The following TRABD2B variants were observed in gnomAD, a reference collection of about 807,000 sequenced individuals.
The protein encoded by TRABD2B is TraB domain containing 2B.
In TRABD2B, 14 loss-of-function variants were observed where a neutral mutation model predicts 40.1. That is an observed-to-expected ratio of 0.35 (90% CI 0.23 to 0.55). The LOEUF (loss-of-function observed/expected upper bound fraction) is 0.55. TRABD2B is among the 20% of genes least tolerant of loss of function. The pLI, the probability that TRABD2B is intolerant of heterozygous loss-of-function variation, is 0.90. For missense variants in TRABD2B, 541 were observed against 648.6 expected (o/e 0.83, Z 1.80); for synonymous variants, 263 against 277.0 (o/e 0.95, Z 0.50).
At chr1:47,776,890 G>C (rs1310910181) in intron 5 of TRABD2B, among the ~76,000 whole-genome samples, 2 of 152,206 alleles carry the variant, frequency 1.3e-5, no homozygotes, top group Non-Finnish European at 2.9e-5. Flanking sequence ...CGCAGCTGCT[G>C]GGGAGATAAT....
intron 2 of TRABD2B, among the ~76,000 whole-genome samples, chr1:47,990,364 G>A (rs981813586): frequency 2.0e-5 from 3 of 152,286 alleles, no homozygotes; most frequent in Non-Finnish European, 4.4e-5. Flanking sequence ...GTGGCAGCAG[G>A]CAGAGCTGAT....
intron 2 of TRABD2B, among the ~76,000 whole-genome samples, chr1:47,897,903 G>C (rs1423561088): frequency 1.3e-5 from 2 of 152,156 alleles, no homozygotes; most frequent in African/African-American, 4.8e-5. Context: ...CCTTGCAAAG[G>C]ATAGCGTTCT....
chr1:47,883,705 C>A (rs868554107), intron 2 of TRABD2B, among the ~76,000 whole-genome samples: 1 of 152,206 alleles, frequency 6.6e-6, no homozygotes, highest in Admixed American at 6.5e-5. Flanking sequence ...CTTCTTGTTC[C>A]AACTACAGGG....
intron 2 of TRABD2B, among the ~76,000 whole-genome samples, chr1:47,949,225 G>C (rs1645304244): frequency 6.6e-6 from 1 of 151,866 alleles, no homozygotes; most frequent in South Asian, 2.1e-4. Context: ...AGGGTGATAT[G>C]GCTATTATTA....
intron 2 of TRABD2B, among the ~76,000 whole-genome samples, chr1:47,825,884 C>T (rs1570055336): frequency 6.6e-6 from 1 of 152,202 alleles, no homozygotes; most frequent in South Asian, 2.1e-4. Flanking sequence ...CTGCCTCCAC[C>T]ACTAACTTGC....
intron 2 of TRABD2B, among the ~76,000 whole-genome samples, chr1:47,978,625 G>T (rs1349355931): frequency 6.6e-6 from 1 of 152,142 alleles, no homozygotes; most frequent in African/African-American, 2.4e-5. Flanking sequence ...GAGAGTGTGT[G>T]TTCCTACGAA....
chr1:47,792,127 C>T (rs1310096370), intron 4 of TRABD2B, among the ~76,000 whole-genome samples: 1 of 152,214 alleles, frequency 6.6e-6, no homozygotes, highest in Non-Finnish European at 1.5e-5. Flanking sequence ...CTGCACGTGG[C>T]TCCAGATCTG....
At chr1:47,962,201 CG>C (rs2148406932) in intron 2 of TRABD2B, among the ~76,000 whole-genome samples, 1 of 113,096 alleles carries the variant, frequency 8.8e-6, no homozygotes, top group East Asian at 2.9e-4. Flanking sequence ...CATCACACGC[CG>C]GGGCCTGTTG....
chr1:47,958,982 T>C (rs909341608), intron 2 of TRABD2B, among the ~76,000 whole-genome samples: 15 of 152,056 alleles, frequency 9.9e-5, no homozygotes, highest in Non-Finnish European at 1.9e-4. Context: ...CCTCAGCAAA[T>C]GTAAAAGAAC....
At chr1:47,984,410 G>C (rs935898641) in intron 2 of TRABD2B, among the ~76,000 whole-genome samples, 1 of 152,256 alleles carries the variant, frequency 6.6e-6, no homozygotes, top group Admixed American at 6.5e-5. Context: ...GGCCAGGCCA[G>C]AGAGGCGGCG....
chr1:47,877,994 T>A (rs1644248230), intron 2 of TRABD2B, among the ~76,000 whole-genome samples: 1 of 140,830 alleles, frequency 7.1e-6, no homozygotes. Context: ...ACAGAGCAAG[T>A]CTCCATCTCA....
chr1:47,865,652 C>T (rs1644044807), intron 2 of TRABD2B, among the ~76,000 whole-genome samples: 1 of 152,120 alleles, frequency 6.6e-6, no homozygotes, highest in Non-Finnish European at 1.5e-5. Context: ...AGGTTCTCAT[C>T]CTCTTTCTGA....
chr1:47,938,982 G>T (rs1230672194), intron 2 of TRABD2B, among the ~76,000 whole-genome samples: 1 of 151,968 alleles, frequency 6.6e-6, no homozygotes, highest in Non-Finnish European at 1.5e-5. Flanking sequence ...TGACAGAGGG[G>T]TGTGAATTAG....
chr1:47,833,676 G>A (rs1645279707), intron 2 of TRABD2B, among the ~76,000 whole-genome samples: 1 of 152,124 alleles, frequency 6.6e-6, no homozygotes, highest in Non-Finnish European at 1.5e-5. Context: ...CATACCTTTT[G>A]CCACTTAGTA....
intron 4 of TRABD2B, among the ~76,000 whole-genome samples, chr1:47,787,477 G>T (rs1256124684): frequency 6.6e-6 from 1 of 151,994 alleles, no homozygotes; most frequent in African/African-American, 2.4e-5. Context: ...TTTCTTTTCT[G>T]GCTTTTCCCT....
At chr1:47,848,846 A>G (rs1321578008) in intron 2 of TRABD2B, among the ~76,000 whole-genome samples, 2 of 152,246 alleles carry the variant, frequency 1.3e-5, no homozygotes, top group Non-Finnish European at 2.9e-5. Flanking sequence ...CCAGGAGAAA[A>G]GAAAAGGGAG....
chr1:47,923,231 C>G (rs1570294942), intron 2 of TRABD2B, among the ~76,000 whole-genome samples: 3 of 152,366 alleles, frequency 2.0e-5, no homozygotes, highest in Non-Finnish European at 4.4e-5. Context: ...GTCATTCTTA[C>G]ATGCTCTGTA....
intron 2 of TRABD2B, among the ~76,000 whole-genome samples, chr1:47,821,964 C>G (rs1645116255): frequency 6.6e-6 from 1 of 152,204 alleles, no homozygotes; most frequent in African/African-American, 2.4e-5. Context: ...CTGCCTACCC[C>G]TGGAGCACTG....
At chr1:47,838,343 A>T (rs987127372) in intron 2 of TRABD2B, among the ~76,000 whole-genome samples, 2 of 152,174 alleles carry the variant, frequency 1.3e-5, no homozygotes, top group African/African-American at 4.8e-5. Flanking sequence ...GAGATTATCA[A>T]TGCCCATAGC....
Sources: gnomAD v4.1 joint callset for allele counts (sites outside exome capture counted in the v4.1 genomes callset) on GRCh38, gnomAD v4.1.1 for gene constraint, MANE v1.5 for transcripts, NCBI Gene and HGNC (gene_info 2026-07-23, HGNC 2026-07-21) for gene names.